Variants in BRCA1 observed in about 807,000 individuals in gnomAD.
BRCA1 encodes breast cancer type 1 susceptibility protein.
A neutral mutation model predicts 173.7 loss-of-function variants in BRCA1; 140 were observed. The observed-to-expected ratio is 0.81, with a 90% CI of 0.70 to 0.93. The LOEUF (loss-of-function observed/expected upper bound fraction) is 0.93, where lower values mean the gene tolerates loss of function less well. Ranked by LOEUF, BRCA1 falls within the 40% of genes least tolerant of loss-of-function variation. The pLI is 0.00. For synonymous variants in BRCA1, 662 were observed against 756.0 expected (o/e 0.88, Z 2.04); for missense variants, 1,983 against 2,172.5 (o/e 0.91, Z 1.73).
Position 43,094,226 on chromosome 17 carries a change from ATCACTGGCCAGT to A in BRCA1, c.1293_1304del (p.Leu431_Asp435delinsPhe), listed in dbSNP as rs1263295759. ...TTTTACATATTAAAGCCTCATGAGG[ATCACTGGCCAGT>A]AAGTCTATTTTCTCTGAAGAACCAG... On this transcript the variant is annotated inframe_deletion, in exon 10 of 23. Transcript: ENST00000357654. The A allele has an allele frequency of 6.2e-7, 1 of 1,614,104 alleles. No individual in the cohort carries two copies.
At chr17:43,146,891 A>G (rs1343622729) in intron 1 of BRCA1, among the ~76,000 whole-genome samples, 1 of 152,004 alleles carries the variant, frequency 6.6e-6, no homozygotes, top group African/African-American at 2.4e-5. Flanking sequence ...AGGAGCAATT[A>G]AGTTTCTCAC....
intron 1 of BRCA1, among the ~76,000 whole-genome samples, chr17:43,135,472 T>A (rs2056011780): frequency 6.6e-6 from 1 of 152,198 alleles, no homozygotes; most frequent in African/African-American, 2.4e-5. Context: ...GATACAACAG[T>A]GCGTTAAATA....
At chr17:43,127,122 C>G (rs1207337599), upstream of BRCA1, among the ~76,000 whole-genome samples, 2 of 152,238 alleles carry the variant, frequency 1.3e-5, no homozygotes, top group Non-Finnish European at 2.9e-5. Context: ...TGAGCTCCAG[C>G]GTGGCCTGAG....
chr17:43,045,463 T>G lies in BRCA1; in HGVS notation c.*215A>C. The G allele has an allele frequency of 1.3e-6, 1 of 755,780 alleles. No individual in the cohort carries two copies. The highest frequency in any genetic ancestry group is 2.3e-6 in the Non-Finnish European group (1 of 434,300). The allele number at this position is 755,780 out of a possible 1,614,324, so 46.8% of individuals were successfully genotyped here. ...CAGGTGAAAAATTACCATAATTTTG[T>G]GCTCATGGCAGATTTCCAAGGGAGA... On this transcript the variant is annotated 3_prime_UTR_variant, in exon 23 of 23. Transcript: ENST00000357654.
chr17:43,102,303 C>T (rs929751485), intron 6 of BRCA1, among the ~76,000 whole-genome samples: 3 of 151,074 alleles, frequency 2.0e-5, no homozygotes, highest in Non-Finnish European at 4.4e-5. Flanking sequence ...GATCTCCACA[C>T]CTCGTGATCC....
chr17:43,111,111 A>G (rs973423295), intron 3 of BRCA1, among the ~76,000 whole-genome samples: 2 of 151,906 alleles, frequency 1.3e-5, no homozygotes, highest in Non-Finnish European at 2.9e-5. Flanking sequence ...AAAAAAAAAA[A>G]AAAAAGTATT....
upstream of BRCA1, among the ~76,000 whole-genome samples, chr17:43,127,562 A>G (rs1381650459): frequency 6.6e-6 from 1 of 152,028 alleles, no homozygotes; most frequent in African/African-American, 2.4e-5. Flanking sequence ...GACTTGGAGA[A>G]TTTTTATGTC....
Position 43,091,748 on chromosome 17 carries a change from T to C in BRCA1, c.3783A>G (p.Leu1261=), listed in dbSNP as rs80356831. 1.6e-5 allele frequency: 26 copies of C among 1,614,126 alleles called. No individual in the cohort carries two copies. The African/African-American group carries it at 3.1e-4, about 19-fold the overall frequency. ...AGTCATTTAAGCTATTCTTCAATGA[T>C]AATAAATTCTCCTCTGTGTTCTTAG... ...CLSKNTEENL[L]SLKNSLNDCS... Residue 1261 remains leucine (L), a synonymous_variant, in exon 10 of 23, where the codon TTA becomes TTG. Coordinates refer to ENST00000357654, the MANE Select transcript of BRCA1 (RefSeq NM_007294.4).
At chr17:43,061,557 G>A (rs8176271) in intron 18 of BRCA1, among the ~76,000 whole-genome samples, 153 of 149,970 alleles carry the variant, frequency 1.0e-3, no homozygotes, top group African/African-American at 3.4e-3. Context: ...TGAATACATC[G>A]AATTGTGCAC....
At chr17:43,096,393 A>G (rs868402005) in intron 8 of BRCA1, among the ~76,000 whole-genome samples, 8 of 149,796 alleles carry the variant, frequency 5.3e-5, no homozygotes, top group East Asian at 1.9e-4. Flanking sequence ...AAAAAAAAAA[A>G]AGAGAGAAAG....
In BRCA1 at chr17:43,058,766, A is replaced by C. The variant is rs8176275; in HGVS notation, c.5194-1631T>G. On this transcript the variant is annotated intron_variant, in intron 18 of 22. Transcript: ENST00000357654. ...TTCCACTGAGAGATTTACAGTTAAC[A>C]CAACCAAAATGATAAAATATACATT... Among the ~76,000 whole-genome samples, 22 of 152,354 alleles carry C rather than the reference A, an allele frequency of 1.4e-4. No homozygotes were observed. In the South Asian group the frequency reaches 4.6e-3, roughly 32 times the overall value.
chr17:43,116,539 A>C (rs1437985391), intron 2 of BRCA1, among the ~76,000 whole-genome samples: 1 of 151,564 alleles, frequency 6.6e-6, no homozygotes. Flanking sequence ...TTTTTTTGAG[A>C]TGGGGTTTTG....
At position 43,044,858 on chromosome 17, in the gene BRCA1, C is replaced by A; in HGVS notation, c.*820G>T. The A allele has an allele frequency of 2.2e-6, 1 of 464,524 alleles. No homozygotes were observed. The highest frequency in any genetic ancestry group is 1.6e-5 in the South Asian group (1 of 61,154). 28.8% of individuals were successfully genotyped at this position (464,524 alleles called of 1,614,324 possible). A position where few individuals can be genotyped will look rare whatever the true frequency, so the allele number is the denominator to read the frequency against. On this transcript the variant is annotated 3_prime_UTR_variant, in exon 23 of 23. Transcript: ENST00000357654. ...TCTCACTGTCACCCAGGCTGGAGTG[C>A]CGTGGTATGATCTTGGCTCACTGCA...
chr17:43,144,807 G>A (rs2056107007), intron 1 of BRCA1: 1 of 405,452 alleles, frequency 2.5e-6, no homozygotes, highest in Non-Finnish European at 4.7e-6. Flanking sequence ...GTTCATCTAA[G>A]GTCTGGAGTT....
intron 1 of BRCA1, chr17:43,138,578 T>A: frequency 1.4e-6 from 1 of 713,820 alleles, no homozygotes; most frequent in Non-Finnish European, 2.6e-6. Context: ...TAAGTAGGGC[T>A]CCCCACCATG....
At chr17:43,097,742 T>C (rs1008746840) in intron 7 of BRCA1, among the ~76,000 whole-genome samples, 5 of 152,298 alleles carry the variant, frequency 3.3e-5, no homozygotes, top group Non-Finnish European at 7.4e-5. Flanking sequence ...AAAATAAGTA[T>C]AATAGGAACA....
intron 1 of BRCA1, among the ~76,000 whole-genome samples, chr17:43,141,990 C>T (rs1017599356): frequency 6.6e-6 from 1 of 151,962 alleles, no homozygotes; most frequent in African/African-American, 2.4e-5. Context: ...CGGCTCACTG[C>T]AACCTCCGTC....
At chr17:43,068,147 G>T (rs2052228766) in intron 15 of BRCA1, among the ~76,000 whole-genome samples, 1 of 151,508 alleles carries the variant, frequency 6.6e-6, no homozygotes, top group Non-Finnish European at 1.5e-5. Flanking sequence ...CGTGGTGGCG[G>T]GCACCTGTAG....
At chr17:43,117,013 A>C (rs2055326140) in intron 2 of BRCA1, among the ~76,000 whole-genome samples, 1 of 152,240 alleles carries the variant, frequency 6.6e-6, no homozygotes, top group Admixed American at 6.5e-5. Context: ...ATTCAGGTTC[A>C]ACTTTCTGGC....
Sources: allele counts gnomAD v4.1 joint callset (sites outside exome capture counted in the v4.1 genomes callset), GRCh38; gene constraint gnomAD v4.1.1; transcripts MANE v1.5; gene names NCBI Gene and HGNC (gene_info 2026-07-23, HGNC 2026-07-21).